The following TRAK1 variants were observed in gnomAD, a reference collection of about 807,000 sequenced individuals.
The protein encoded by TRAK1 is trafficking kinesin-binding protein 1.
In TRAK1, 33 loss-of-function variants were observed where a neutral mutation model predicts 92.1. The ratio of observed to expected loss-of-function variants is 0.36; its 90% confidence interval spans 0.27 to 0.48. The LOEUF (loss-of-function observed/expected upper bound fraction) is 0.48, where lower values mean the gene tolerates loss of function less well. Among genes scored for constraint, TRAK1 ranks in the 20% least tolerant of loss-of-function variants. The pLI, the probability that TRAK1 is intolerant of heterozygous loss-of-function variation, is 0.99. For missense variants in TRAK1, 1,123 were observed against 1,257.9 expected, an observed-to-expected ratio of 0.89 and a Z score of 1.62; for synonymous variants, 521 against 517.3, an observed-to-expected ratio of 1.01 and a Z score of -0.10.
rs374939373 is a variant in TRAK1 at position 42,185,518 on chromosome 3, G to A, written c.480+717G>A. 7.2e-4 allele frequency among the ~76,000 whole-genome samples: 110 copies of A among 152,236 alleles called. No homozygotes were observed. The South Asian group carries it at 0.011, about 15-fold the overall frequency. On this transcript the variant is annotated intron_variant, in intron 4 of 15. Transcript: ENST00000327628. The stretch of plus-strand genomic sequence containing the variant: ...GGACGTGGTGTGGACAGAGGAGAGC[G>A]GCTGTGGAGTCAGATGGGGTTGCTA...
intron 1 of TRAK1, among the ~76,000 whole-genome samples, chr3:42,108,746 C>G (rs1386534995): frequency 1.3e-5 from 2 of 151,972 alleles, no homozygotes; most frequent in Non-Finnish European, 2.9e-5. Context: ...ATGCAAAAGA[C>G]AGCAAAGTGA....
chr3:42,104,538 A>G (rs1018742782), intron 1 of TRAK1, among the ~76,000 whole-genome samples: 1 of 152,178 alleles, frequency 6.6e-6, no homozygotes, highest in African/African-American at 2.4e-5. Context: ...CCATCCTGCA[A>G]TATTTGCTAT....
At chr3:42,155,045 T>G (rs2149274309) in intron 2 of TRAK1, among the ~76,000 whole-genome samples, 1 of 152,000 alleles carries the variant, frequency 6.6e-6, no homozygotes, top group Middle Eastern at 3.4e-3. Context: ...TAAAAAACAT[T>G]AACAAGAGAA....
intron 1 of TRAK1, among the ~76,000 whole-genome samples, chr3:42,043,795 A>G (rs977950042): frequency 1.5e-4 from 4 of 26,238 alleles, no homozygotes; most frequent in Admixed American, 5.6e-4. Context: ...CCAACTCCCC[A>G]GAGGGGGCAC....
intron 1 of TRAK1, among the ~76,000 whole-genome samples, chr3:42,079,332 C>T (rs1476923934): frequency 6.6e-6 from 1 of 152,114 alleles, no homozygotes; most frequent in Admixed American, 6.5e-5. Flanking sequence ...AAGAGGAAAC[C>T]TTGAAAGCTC....
At chr3:42,168,190 T>A (rs562366369) in intron 2 of TRAK1, among the ~76,000 whole-genome samples, 10 of 152,224 alleles carry the variant, frequency 6.6e-5, no homozygotes, top group Non-Finnish European at 1.5e-4. Context: ...GTGGGGCAGA[T>A]TAGTACCTTT....
chr3:42,131,755 T>TA (rs113948453), intron 2 of TRAK1, among the ~76,000 whole-genome samples: 23 of 148,088 alleles, frequency 1.6e-4, no homozygotes, highest in Middle Eastern at 7.2e-3. Flanking sequence ...AAATAAAATT[T>TA]AAAAAAAAAA....
intron 3 of TRAK1, among the ~76,000 whole-genome samples, chr3:42,183,505 G>T (rs1704316021): frequency 6.8e-6 from 1 of 147,202 alleles, no homozygotes; most frequent in Non-Finnish European, 1.5e-5. Context: ...ACAGTGAGCC[G>T]AGATCGTGCT....
intron 2 of TRAK1, among the ~76,000 whole-genome samples, chr3:42,164,868 C>G (rs150384979): frequency 1.6e-4 from 25 of 152,352 alleles, no homozygotes; most frequent in Admixed American, 9.8e-4. Context: ...GGGTCCCGCC[C>G]TGTCTCAGTG....
In TRAK1 at chr3:42,031,134, C is replaced by T. The variant is rs558900090; in HGVS notation, c.-519+17017C>T. On this transcript the variant is annotated intron_variant, in intron 1 of 16. Transcript: ENST00000487159. ...CACTGCAGCCTCCACCTCCCAGATT[C>T]GAGCAATTCTCCTGCCTCAGCCTCC... Among the ~76,000 whole-genome samples the T allele has an allele frequency of 2.3e-3, 339 of 149,834 alleles. 1 individual carries two copies. The highest frequency in any genetic ancestry group is 3.7e-3 in the Non-Finnish European group (249 of 67,642).
At chr3:42,205,730 C>T (rs1708254155) in intron 13 of TRAK1, among the ~76,000 whole-genome samples, 1 of 152,220 alleles carries the variant, frequency 6.6e-6, no homozygotes, top group Non-Finnish European at 1.5e-5. Context: ...TATCTAAGCC[C>T]TGATGCTCCT....
In TRAK1 at chr3:42,194,844, T is replaced by A; in HGVS notation, c.1016T>A (p.Met339Lys). 1.2e-6 allele frequency: 2 copies of A among 1,613,958 alleles called. No homozygotes were observed. The highest frequency in any genetic ancestry group is 1.7e-6 in the Non-Finnish European group (2 of 1,179,944). Residue 339 changes from methionine (M) to lysine (K), a missense_variant, in exon 10 of 16, where the codon ATG (methionine) becomes AAG (lysine). Transcript: ENST00000327628. Reference protein sequence around the residue: ...LEDKYAECMEMLHEAQEELKN... With the variant: ...LEDKYAECMEKLHEAQEELKN... ...GACAAGTACGCAGAGTGCATGGAGA[T>A]GCTGCATGAGGCGCAGGAGGAGCTG...
chr3:42,193,513 T>TA (rs780084764), intron 8 of TRAK1, among the ~76,000 whole-genome samples: 6 of 152,124 alleles, frequency 3.9e-5, no homozygotes, highest in Non-Finnish European at 7.3e-5. Context: ...GTGCACTAGA[T>TA]ATGTGCTGCA....
chr3:42,139,273 C>T (rs1698372337), intron 2 of TRAK1, among the ~76,000 whole-genome samples: 1 of 152,148 alleles, frequency 6.6e-6, no homozygotes, highest in African/African-American at 2.4e-5. Context: ...GCCTTCTCTT[C>T]TCTTACTGCT....
chr3:42,095,114 CA>C (rs1705709208), intron 1 of TRAK1, among the ~76,000 whole-genome samples: 3 of 152,204 alleles, frequency 2.0e-5, no homozygotes. Flanking sequence ...CCCCATGGCC[CA>C]GTCAAGGAGA....
chr3:42,119,350 A>G (rs72869920), intron 1 of TRAK1, among the ~76,000 whole-genome samples: 3,144 of 152,208 alleles, frequency 0.021, 117 homozygotes, highest in African/African-American at 0.071. Context: ...CAGCTGGTCT[A>G]AAAACTCAGA....
At chr3:42,057,904 A>T (rs1703263712) in intron 1 of TRAK1, among the ~76,000 whole-genome samples, 1 of 152,242 alleles carries the variant, frequency 6.6e-6, no homozygotes, top group South Asian at 2.1e-4. Context: ...ACCAGAAAAT[A>T]CAACCAACTG....
chr3:42,206,312 C>T (rs1466191419), intron 13 of TRAK1, among the ~76,000 whole-genome samples: 1 of 152,106 alleles, frequency 6.6e-6, no homozygotes, highest in Non-Finnish European at 1.5e-5. Flanking sequence ...AGTCCATGAG[C>T]CCCATAGCAT....
At chr3:42,144,565 G>A (rs1268465280) in intron 2 of TRAK1, among the ~76,000 whole-genome samples, 3 of 151,880 alleles carry the variant, frequency 2.0e-5, no homozygotes, top group Non-Finnish European at 2.9e-5. Flanking sequence ...ATGGTAATGG[G>A]GTAGGAATAA....
Sources: gnomAD v4.1 joint callset for allele counts (sites outside exome capture counted in the v4.1 genomes callset) on GRCh38, gnomAD v4.1.1 for gene constraint, MANE v1.5 for transcripts, NCBI Gene and HGNC (gene_info 2026-07-23, HGNC 2026-07-21) for gene names.